Variants in RPRD1B observed in about 807,000 individuals in gnomAD.
The protein encoded by RPRD1B is regulation of nuclear pre-mRNA domain containing 1B.
In RPRD1B, 11 loss-of-function variants were observed where a neutral mutation model predicts 41.5. The observed-to-expected ratio is 0.27, with a 90% CI of 0.17 to 0.44. RPRD1B has a LOEUF of 0.44. RPRD1B is among the 20% of genes least tolerant of loss of function. The pLI is 1.00. For missense variants in RPRD1B, 248 were observed against 389.9 expected (o/e 0.64, Z 3.06); for synonymous variants, 158 against 155.6 (o/e 1.02, Z -0.12).
At chr20:38,062,532 T>G (rs1252802801) in intron 5 of RPRD1B, among the ~76,000 whole-genome samples, 3 of 152,128 alleles carry the variant, frequency 2.0e-5, no homozygotes, top group Non-Finnish European at 4.4e-5. Flanking sequence ...TCACTCATGG[T>G]CTTCTCCATC....
At chr20:38,055,324 T>G (rs954926380) in intron 3 of RPRD1B, among the ~76,000 whole-genome samples, 1 of 152,266 alleles carries the variant, frequency 6.6e-6, no homozygotes, top group African/African-American at 2.4e-5. Context: ...TAGATACATA[T>G]CAGAGCAAAC....
intron 2 of RPRD1B, among the ~76,000 whole-genome samples, chr20:38,043,350 T>C (rs1011101115): frequency 2.0e-5 from 3 of 152,070 alleles, no homozygotes; most frequent in South Asian, 2.1e-4. Flanking sequence ...AAAAGTGATA[T>C]CCAGATGAGG....
In RPRD1B at chr20:38,057,513, T is replaced by C. The variant is rs2256288; in HGVS notation, c.416-19T>C. 0.8 allele frequency: 1,255,409 copies of C among 1,573,570 alleles called. 503,182 individuals are homozygous for C. Among genetic ancestry groups the C allele is most frequent in the African/African-American group, 0.97 (71,699 of 74,274 alleles). ...TACAGGATATGTGACTCAAATTTAT[T>C]ACTTTCTCTTTTGTCTAGCAACAGA... On this transcript the variant is annotated intron_variant, in intron 3 of 6. Coordinates refer to ENST00000373433, the MANE Select transcript of RPRD1B (RefSeq NM_021215.4).
chr20:38,073,744 G>C (rs970931248), intron 6 of RPRD1B, among the ~76,000 whole-genome samples: 1 of 152,234 alleles, frequency 6.6e-6, no homozygotes, highest in South Asian at 2.1e-4. Context: ...GGTAAGGACA[G>C]ATGGGAGCCG....
rs2074617354 is a variant in RPRD1B at position 38,092,270 on chromosome 20, C to G, written c.*2395C>G. The G allele has an allele frequency of 1.0e-6, 1 of 984,616 alleles. No homozygotes were observed. 61.0% of individuals were successfully genotyped at this position (984,616 alleles called of 1,614,324 possible). ...CTTAAATTTGTATATTAATTTAGGA[C>G]TATTTAGAAGTATAGGCTGTCGTTG... On this transcript the variant is annotated 3_prime_UTR_variant, in exon 7 of 7. Coordinates refer to ENST00000373433, the MANE Select transcript of RPRD1B (RefSeq NM_021215.4).
At chr20:38,034,632 C>T (rs2033531536) in intron 1 of RPRD1B, among the ~76,000 whole-genome samples, 1 of 152,198 alleles carries the variant, frequency 6.6e-6, no homozygotes, top group African/African-American at 2.4e-5. Context: ...ATACTAAGAC[C>T]TTTGTGTGTA....
At chr20:38,060,183 G>A (rs922575579) in intron 5 of RPRD1B, among the ~76,000 whole-genome samples, 2 of 152,204 alleles carry the variant, frequency 1.3e-5, no homozygotes, top group African/African-American at 2.4e-5. Flanking sequence ...AGGACATTGA[G>A]GCTTTGAGAA....
chr20:38,053,915 G>A (rs1333559618), intron 3 of RPRD1B, among the ~76,000 whole-genome samples: 1 of 152,148 alleles, frequency 6.6e-6, no homozygotes, highest in African/African-American at 2.4e-5. Flanking sequence ...ATTTTGTAAG[G>A]GATCTTGAGT....
At chr20:38,055,090 G>C (rs71351555) in intron 3 of RPRD1B, among the ~76,000 whole-genome samples, 6,811 of 152,172 alleles carry the variant, frequency 0.045, 232 homozygotes, top group East Asian at 0.15. Flanking sequence ...ATAATCAGTG[G>C]GGAAAATTAT....
intron 6 of RPRD1B, among the ~76,000 whole-genome samples, chr20:38,086,807 G>A (rs758135630): frequency 1.3e-5 from 2 of 152,212 alleles, no homozygotes; most frequent in African/African-American, 2.4e-5. Flanking sequence ...GTGGCCTGAA[G>A]AGTGGAACAC....
intron 1 of RPRD1B, among the ~76,000 whole-genome samples, chr20:38,036,190 G>A (rs962865285): frequency 6.6e-6 from 1 of 152,184 alleles, no homozygotes; most frequent in Admixed American, 6.5e-5. Context: ...ACGTGGTAAA[G>A]CCTTATGTTG....
At chr20:38,070,068 T>TGG (rs2074396489) in intron 6 of RPRD1B, among the ~76,000 whole-genome samples, 2 of 152,138 alleles carry the variant, frequency 1.3e-5, no homozygotes, top group Admixed American at 1.3e-4. Context: ...TAATGATTGG[T>TGG]TGTAAAGAAT....
At chr20:38,054,504 C>T (rs531855911) in intron 3 of RPRD1B, among the ~76,000 whole-genome samples, 62 of 152,208 alleles carry the variant, frequency 4.1e-4, no homozygotes, top group African/African-American at 1.4e-3. Context: ...AGGCTTTGAT[C>T]TGTAGCACCC....
intron 2 of RPRD1B, 89 bp from the exon 3 acceptor site, chr20:38,048,259 G>C: frequency 2.3e-6 from 3 of 1,318,350 alleles, no homozygotes; most frequent in Non-Finnish European, 3.1e-6. Context: ...TTAGTCAGTT[G>C]TTGATTTCTT....
intron 6 of RPRD1B, among the ~76,000 whole-genome samples, chr20:38,088,021 T>C (rs1442062441): frequency 6.6e-6 from 1 of 152,152 alleles, no homozygotes; most frequent in Non-Finnish European, 1.5e-5. Flanking sequence ...CGTAAGTCAT[T>C]GTTTAATTTT....
chr20:38,062,702 C>T (rs1033992580), intron 5 of RPRD1B, among the ~76,000 whole-genome samples: 6 of 152,078 alleles, frequency 3.9e-5, no homozygotes, highest in Non-Finnish European at 7.3e-5. Flanking sequence ...GTTTGTTCCT[C>T]TTGCTCAGCC....
intron 6 of RPRD1B, among the ~76,000 whole-genome samples, chr20:38,084,885 G>A (rs1025249814): frequency 7.2e-5 from 11 of 152,146 alleles, no homozygotes; most frequent in African/African-American, 2.4e-4. Context: ...GCAGTTTCTC[G>A]AAGGTGCCTG....
chr20:38,063,604 A>C lies in RPRD1B; in HGVS notation c.656-2477A>C, dbSNP rs138215025. Among the ~76,000 whole-genome samples, 653 of 152,286 alleles carry C rather than the reference A, an allele frequency of 4.3e-3. 3 individuals carry two copies. Among genetic ancestry groups the C allele is most frequent in the South Asian group, 0.041 (199 of 4,828 alleles). Reference sequence around the variant, plus strand: ...AGTGGGAGAGTGGTATGTAGGTGGAATACATGGCAGCAGGTTTGTGTGCTA... The same window carrying C: ...AGTGGGAGAGTGGTATGTAGGTGGACTACATGGCAGCAGGTTTGTGTGCTA... On this transcript the variant is annotated intron_variant, in intron 5 of 6. Coordinates refer to ENST00000373433, the MANE Select transcript of RPRD1B (RefSeq NM_021215.4).
At chr20:38,056,465 A>T (rs2074242466) in intron 3 of RPRD1B, among the ~76,000 whole-genome samples, 1 of 152,234 alleles carries the variant, frequency 6.6e-6, no homozygotes, top group Admixed American at 6.5e-5. Context: ...GTCAGTTAGT[A>T]TATGATGTAT....
Sources: gnomAD v4.1 joint callset for allele counts (sites outside exome capture counted in the v4.1 genomes callset) on GRCh38, gnomAD v4.1.1 for gene constraint, MANE v1.5 for transcripts, NCBI Gene and HGNC (gene_info 2026-07-23, HGNC 2026-07-21) for gene names.